SLC44A1: variants seen among roughly 807,000 people sequenced by gnomAD.
SLC44A1 encodes solute carrier family 44 member 1.
In SLC44A1, 26 loss-of-function variants were observed where a neutral mutation model predicts 79.3. That is an observed-to-expected ratio of 0.33 (90% CI 0.24 to 0.46). The LOEUF (loss-of-function observed/expected upper bound fraction) is 0.46. Ranked by LOEUF, SLC44A1 falls within the 20% of genes least tolerant of loss-of-function variation. SLC44A1 has a pLI of 1.00. For synonymous variants in SLC44A1, 263 were observed against 286.2 expected (o/e 0.92, Z 0.82); for missense variants, 688 against 798.1 (o/e 0.86, Z 1.66).
intron 1 of SLC44A1, among the ~76,000 whole-genome samples, chr9:105,263,629 G>A (rs996354063): frequency 3.1e-4 from 47 of 150,254 alleles, no homozygotes; most frequent in Middle Eastern, 6.8e-3. Context: ...TCCACCTCCC[G>A]GGTTCAAGTG....
At chr9:105,307,288 A>G (rs1831057756) in intron 2 of SLC44A1, among the ~76,000 whole-genome samples, 2 of 152,198 alleles carry the variant, frequency 1.3e-5, no homozygotes, top group Admixed American at 1.3e-4. Flanking sequence ...GAGGGTTTGA[A>G]TCCAGGTCTT....
intron 6 of SLC44A1, 133 bp from the exon 7 acceptor site, chr9:105,358,211 C>T: frequency 1.7e-6 from 1 of 578,842 alleles, no homozygotes; most frequent in Non-Finnish European, 3.0e-6. Context: ...AGCTAGTTTC[C>T]TTCCTTATCT....
chr9:105,418,182 T>C (rs1829197572), intron 15 of SLC44A1, among the ~76,000 whole-genome samples: 1 of 151,120 alleles, frequency 6.6e-6, no homozygotes, highest in Non-Finnish European at 1.5e-5. Context: ...GGTGTAGTGG[T>C]GCATGCCTGT....
rs550583690 is a variant in SLC44A1 at position 105,363,648 on chromosome 9, A to G, written c.1087+641A>G. On this transcript the variant is annotated intron_variant, in intron 9 of 15. Coordinates refer to ENST00000374720, the MANE Select transcript of SLC44A1 (RefSeq NM_080546.5). ...CCTGGCTAATTTTTGTATCTTTAGT[A>G]GAGACAGGGTTTCTCCATGTTGCCC... Among the ~76,000 whole-genome samples the G allele has an allele frequency of 3.3e-5, 5 of 152,088 alleles. No individual in the cohort carries two copies. In the East Asian group the frequency reaches 7.7e-4, roughly 24 times the overall value.
intron 15 of SLC44A1, among the ~76,000 whole-genome samples, chr9:105,414,764 A>T (rs1218061600): frequency 2.0e-5 from 3 of 152,132 alleles, no homozygotes; most frequent in Admixed American, 6.6e-5. Flanking sequence ...ACCTGTGAAT[A>T]GCCACTGCAC....
At chr9:105,410,619 C>T (rs1393211112) in intron 15 of SLC44A1, among the ~76,000 whole-genome samples, 1 of 152,106 alleles carries the variant, frequency 6.6e-6, no homozygotes, top group Non-Finnish European at 1.5e-5. Context: ...TAAAATGGTG[C>T]CACCACTTGG....
At chr9:105,415,778 T>C (rs1829161541) in intron 15 of SLC44A1, among the ~76,000 whole-genome samples, 1 of 152,176 alleles carries the variant, frequency 6.6e-6, no homozygotes, top group South Asian at 2.1e-4. Context: ...AGAAACAATA[T>C]ATACTTGAAG....
At chr9:105,310,527 C>T (rs996407015) in intron 3 of SLC44A1, among the ~76,000 whole-genome samples, 6 of 152,046 alleles carry the variant, frequency 3.9e-5, no homozygotes, top group East Asian at 1.9e-4. Flanking sequence ...TATTTATGCC[C>T]CATGAAACCT....
chr9:105,306,294 T>C (rs1293708074), intron 2 of SLC44A1, among the ~76,000 whole-genome samples: 1 of 152,224 alleles, frequency 6.6e-6, no homozygotes. Context: ...TTTCCCTCTC[T>C]CTCTGCTGAA....
chr9:105,349,100 GGAAAT>G (rs1000159625), intron 5 of SLC44A1, among the ~76,000 whole-genome samples: 22 of 152,148 alleles, frequency 1.4e-4, no homozygotes, highest in Non-Finnish European at 2.4e-4. Flanking sequence ...TTTTTTGAAA[GGAAAT>G]GAATTATCAA....
At chr9:105,328,618 T>A (rs1379940050) in intron 3 of SLC44A1, among the ~76,000 whole-genome samples, 1 of 152,150 alleles carries the variant, frequency 6.6e-6, no homozygotes, top group Non-Finnish European at 1.5e-5. Context: ...AGTTTAAAGT[T>A]ATTTTCAGCT....
At position 105,358,340 on chromosome 9, in the gene SLC44A1, G is replaced by C; in HGVS notation, c.671-4G>C. On this transcript the variant is annotated splice_polypyrimidine_tract_variant and splice_region_variant and intron_variant, in intron 6 of 15. Coordinates refer to ENST00000374720, the MANE Select transcript of SLC44A1 (RefSeq NM_080546.5). ...ATTCTATATGTTCTCTATCTTCCCT[G>C]CAGTTCTATCCATGATTTTGATGGT... The C allele has an allele frequency of 6.8e-7, 1 of 1,472,396 alleles. No individual in the cohort carries two copies. Among genetic ancestry groups the C allele is most frequent in the Non-Finnish European group, 9.5e-7 (1 of 1,053,818 alleles). The allele number at this position is 1,472,396 out of a possible 1,614,324, so 91.2% of individuals were successfully genotyped here.
intron 5 of SLC44A1, among the ~76,000 whole-genome samples, chr9:105,351,623 A>G (rs1382171677): frequency 1.4e-4 from 10 of 71,886 alleles, no homozygotes; most frequent in Non-Finnish European, 1.5e-4. Flanking sequence ...AGAAAGAAAG[A>G]GAGAGAAAGA....
At chr9:105,348,715 A>G (rs1289650134) in intron 5 of SLC44A1, among the ~76,000 whole-genome samples, 3 of 151,908 alleles carry the variant, frequency 2.0e-5, no homozygotes, top group Non-Finnish European at 4.4e-5. Context: ...TTTTATTTTC[A>G]TGCCATAATT....
rs1314507547 is a variant in SLC44A1, at chr9:105,389,335, A to G, written c.*279A>G. The G allele has an allele frequency of 8.7e-7, 1 of 1,146,394 alleles. No individual in the cohort carries two copies. Among genetic ancestry groups the G allele is most frequent in the Non-Finnish European group, 1.1e-6 (1 of 933,768 alleles). 71.0% of individuals were successfully genotyped at this position (1,146,394 alleles called of 1,614,324 possible). On this transcript the variant is annotated 3_prime_UTR_variant, in exon 16 of 16. Transcript: ENST00000374720. ...TAATGTTTTCAACTGTAATTGTCTT[A>G]ATGGAAATGTTAAAATTCATATCTG...
intron 15 of SLC44A1, among the ~76,000 whole-genome samples, chr9:105,425,436 G>T (rs190589732): frequency 6.6e-6 from 1 of 152,148 alleles, no homozygotes; most frequent in Non-Finnish European, 1.5e-5. Flanking sequence ...ATGTAGTTGC[G>T]GAAAGATCTG....
chr9:105,398,756 G>C (rs1050063833), downstream of SLC44A1, among the ~76,000 whole-genome samples: 2 of 152,168 alleles, frequency 1.3e-5, no homozygotes, highest in African/African-American at 4.8e-5. Flanking sequence ...AAAGAAGCCA[G>C]TACCTCGAGA....
At position 105,324,888 on chromosome 9, in the gene SLC44A1, A is replaced by G. The variant is rs139159525; in HGVS notation, c.270-10675A>G. ...AGAATGTGGAGAAATTGGAGCCCTC[A>G]TACGTTGCTGCTGGGAATGTAAAAT... is the stretch of plus-strand genomic sequence containing the variant. On this transcript the variant is annotated intron_variant, in intron 3 of 15. Transcript: ENST00000374720. Among the ~76,000 whole-genome samples the G allele has an allele frequency of 2.4e-3, 361 of 152,348 alleles. 1 individual carries two copies. Among genetic ancestry groups the G allele is most frequent in the African/African-American group, 8.2e-3 (341 of 41,592 alleles).
At chr9:105,300,370 CAT>C (rs374198058) in intron 2 of SLC44A1, among the ~76,000 whole-genome samples, 23 of 152,318 alleles carry the variant, frequency 1.5e-4, no homozygotes, top group African/African-American at 5.3e-4. Context: ...TGTTCCTACT[CAT>C]GTGTATTTTT....
Sources: gnomAD v4.1 joint callset for allele counts (sites outside exome capture counted in the v4.1 genomes callset) on GRCh38, gnomAD v4.1.1 for gene constraint, MANE v1.5 for transcripts, NCBI Gene and HGNC (gene_info 2026-07-23, HGNC 2026-07-21) for gene names.